The following CBX5 variants were observed in gnomAD, a reference collection of about 807,000 sequenced individuals.
The protein encoded by CBX5 is chromobox protein homolog 5.
Under a neutral mutation model 20.7 loss-of-function variants are expected in CBX5, and 7 were observed. The observed-to-expected ratio is 0.34, with a 90% CI of 0.19 to 0.63. The LOEUF is 0.63. Ranked by LOEUF, CBX5 falls within the 30% of genes least tolerant of loss-of-function variation. CBX5 has a pLI of 0.75. For synonymous variants in CBX5, 78 were observed against 77.0 expected, an observed-to-expected ratio of 1.01 and a Z score of -0.07; for missense variants, 110 against 224.1, an observed-to-expected ratio of 0.49 and a Z score of 3.25.
intron 4 of CBX5, among the ~76,000 whole-genome samples, chr12:54,243,611 G>A (rs1170929668): frequency 1.3e-5 from 2 of 151,134 alleles, no homozygotes; most frequent in Non-Finnish European, 2.9e-5. Context: ...GCTCATACCT[G>A]TAATCCCAGC....
intron 1 of CBX5, among the ~76,000 whole-genome samples, chr12:54,260,305 A>G (rs892751720): frequency 6.6e-5 from 10 of 152,156 alleles, no homozygotes; most frequent in African/African-American, 2.4e-4. Flanking sequence ...AGCCTGACCA[A>G]CGTGGTGAAA....
At chr12:54,250,605 A>G (rs1486274847) in intron 3 of CBX5, among the ~76,000 whole-genome samples, 2 of 149,158 alleles carry the variant, frequency 1.3e-5, no homozygotes, top group Non-Finnish European at 3.0e-5. Context: ...GGAGATCGAG[A>G]CCATCCTGGC....
chr12:54,232,939 G>A lies in CBX5; in HGVS notation c.*8816C>T, dbSNP rs1943582946. On this transcript the variant is annotated 3_prime_UTR_variant, in exon 5 of 5. Transcript: ENST00000209875. ...CAGAAAGCAAGATCACATTCCAACA[G>A]AAACAATGAATAAGAACCTTTTCCC... 6.6e-6 allele frequency: 1 copy of A among 152,094 alleles called. No homozygotes were observed. The highest frequency in any genetic ancestry group is 2.1e-4 in the South Asian group (1 of 4,834). 9.4% of individuals were successfully genotyped at this position (152,094 alleles called of 1,614,324 possible).
intron 1 of CBX5, among the ~76,000 whole-genome samples, chr12:54,266,164 T>C (rs1943954529): frequency 6.6e-6 from 1 of 151,464 alleles, no homozygotes. Flanking sequence ...TCCCAGCACT[T>C]TGAGAGGCAG....
chr12:54,277,628 G>A (rs1025574370), intron 1 of CBX5, among the ~76,000 whole-genome samples: 4 of 152,208 alleles, frequency 2.6e-5, no homozygotes, highest in South Asian at 2.1e-4. Flanking sequence ...ATGAGCCACC[G>A]GCGCCAGACC....
intron 1 of CBX5, among the ~76,000 whole-genome samples, chr12:54,271,570 C>A (rs949241119): frequency 1.3e-5 from 2 of 152,148 alleles, no homozygotes; most frequent in African/African-American, 4.8e-5. Context: ...GTAATCCACC[C>A]ACCTCAGCCT....
intron 4 of CBX5, among the ~76,000 whole-genome samples, chr12:54,242,247 C>T (rs777506177): frequency 2.6e-5 from 4 of 152,072 alleles, no homozygotes; most frequent in East Asian, 3.9e-4. Context: ...ATTCAGGGGC[C>T]GGGCACGGTG....
At chr12:54,267,281 C>G (rs1248690727) in intron 1 of CBX5, among the ~76,000 whole-genome samples, 2 of 152,142 alleles carry the variant, frequency 1.3e-5, no homozygotes, top group East Asian at 3.8e-4. Flanking sequence ...ATCATGTTCA[C>G]AAAATATGGA....
intron 1 of CBX5, among the ~76,000 whole-genome samples, chr12:54,277,870 G>A (rs1039791961): frequency 6.6e-6 from 1 of 151,838 alleles, no homozygotes; most frequent in African/African-American, 2.4e-5. Context: ...GGATCTTGTT[G>A]TGCTGCCCAG....
chr12:54,248,181 G>T (rs1394850557), intron 3 of CBX5, among the ~76,000 whole-genome samples: 1 of 151,820 alleles, frequency 6.6e-6, no homozygotes, highest in African/African-American at 2.4e-5. Context: ...TCGAGACAGG[G>T]TTTCACCATG....
intron 1 of CBX5, among the ~76,000 whole-genome samples, chr12:54,276,212 G>A (rs1944065754): frequency 6.6e-6 from 1 of 152,076 alleles, no homozygotes; most frequent in Non-Finnish European, 1.5e-5. Flanking sequence ...TGTTTACATA[G>A]ATACTCCTTG....
rs150151886 is a variant in CBX5, at chr12:54,249,965, G to A, written c.324+2076C>T. Among the ~76,000 whole-genome samples the A allele has an allele frequency of 1.8e-3, 275 of 152,302 alleles. 1 individual carries two copies. The East Asian group carries it at 0.029, about 16-fold the overall frequency. ...GAGCCAGGCATGGTGGCTCACACCT[G>A]TAATCCCAACACTTTGGGAGGCCAA... On this transcript the variant is annotated intron_variant, in intron 3 of 4. Coordinates refer to ENST00000209875, the MANE Select transcript of CBX5 (RefSeq NM_012117.3).
At position 54,241,663 on chromosome 12, in the gene CBX5, G is replaced by T. The variant is rs1943678159; in HGVS notation, c.*92C>A. On this transcript the variant is annotated 3_prime_UTR_variant, in exon 5 of 5. Transcript: ENST00000209875. ...TGATAAGCACATTTTTTATGGATGTGTTTAGGATAGAAAGGGGTGGGTAGA... is the reference window on the plus strand; with the variant it reads ...TGATAAGCACATTTTTTATGGATGTTTTTAGGATAGAAAGGGGTGGGTAGA... The T allele has an allele frequency of 2.4e-6, 3 of 1,251,594 alleles. No individual in the cohort carries two copies. The highest frequency in any genetic ancestry group is 3.4e-6 in the Non-Finnish European group (3 of 891,636). 77.5% of individuals were successfully genotyped at this position (1,251,594 alleles called of 1,614,324 possible).
At position 54,260,935 on chromosome 12, in the gene CBX5, A is replaced by T. The variant is rs373661640; in HGVS notation, c.-42-3243T>A. Among the ~76,000 whole-genome samples, 9 of 152,248 alleles carry T rather than the reference A, an allele frequency of 5.9e-5. No homozygotes were observed. In the East Asian group the frequency reaches 1.2e-3, roughly 20 times the overall value. On this transcript the variant is annotated intron_variant, in intron 1 of 4. Transcript: ENST00000209875. ...GCCAGGAACAGTGGCTCACACCTGT[A>T]ATCCCAGCACTTTGGGAAGCCGAGG...
chr12:54,246,236 AAG>A, intron 3 of CBX5, 21 bp from the exon 4 acceptor site: 1 of 1,564,104 alleles, frequency 6.4e-7, no homozygotes, highest in Non-Finnish European at 8.8e-7. Context: ...AAGATAAAGA[AAG>A]GTTACAGCTT....
chr12:54,251,256 C>G (rs1943798390), intron 3 of CBX5, among the ~76,000 whole-genome samples: 1 of 151,866 alleles, frequency 6.6e-6, no homozygotes, highest in African/African-American at 2.4e-5. Context: ...GTCAGGAGTT[C>G]AAGACCAGCC....
At chr12:54,270,023 A>G (rs1157355050) in intron 1 of CBX5, among the ~76,000 whole-genome samples, 2 of 152,132 alleles carry the variant, frequency 1.3e-5, no homozygotes, top group African/African-American at 4.8e-5. Context: ...TTAGTTCCTA[A>G]TATTGTTAAT....
chr12:54,261,567 T>C (rs1943916270), intron 1 of CBX5, among the ~76,000 whole-genome samples: 1 of 152,178 alleles, frequency 6.6e-6, no homozygotes, highest in Non-Finnish European at 1.5e-5. Flanking sequence ...AGTGCTGGGA[T>C]TACAGGCATG....
intron 1 of CBX5, among the ~76,000 whole-genome samples, chr12:54,266,261 G>A (rs925378054): frequency 2.1e-4 from 32 of 151,778 alleles, no homozygotes; most frequent in African/African-American, 7.2e-4. Flanking sequence ...AGCCAGGCAT[G>A]GTGGTGGGCA....
Sources: allele counts gnomAD v4.1 joint callset (sites outside exome capture counted in the v4.1 genomes callset), GRCh38; gene constraint gnomAD v4.1.1; transcripts MANE v1.5; gene names NCBI Gene and HGNC (gene_info 2026-07-23, HGNC 2026-07-21).